Variants in SLC9A9 observed in about 807,000 individuals in gnomAD.
SLC9A9 encodes sodium/hydrogen exchanger 9.
In SLC9A9, 62 loss-of-function variants were observed where a neutral mutation model predicts 77.8. That is an observed-to-expected ratio of 0.80 (90% CI 0.65 to 0.98). SLC9A9 has a LOEUF of 0.98. Ranked by LOEUF, SLC9A9 falls within the 50% of genes least tolerant of loss-of-function variation. The pLI, the probability that SLC9A9 is intolerant of heterozygous loss-of-function variation, is 0.00. For synonymous variants in SLC9A9, 320 were observed against 283.5 expected (o/e 1.13, Z -1.29); for missense variants, 775 against 774.9 (o/e 1.00, Z 0.00).
chr3:143,789,201 G>A (rs1294560712), intron 4 of SLC9A9, among the ~76,000 whole-genome samples: 1 of 152,156 alleles, frequency 6.6e-6, no homozygotes, highest in Non-Finnish European at 1.5e-5. Flanking sequence ...ATCATAGCAT[G>A]CATATCTCCA....
intron 4 of SLC9A9, among the ~76,000 whole-genome samples, chr3:143,698,575 A>G (rs1218848389): frequency 6.6e-6 from 1 of 152,228 alleles, no homozygotes; most frequent in Non-Finnish European, 1.5e-5. Context: ...AAAGCCCTAC[A>G]CTTAAAGCTA....
At chr3:143,729,537 T>A (rs1357997739) in intron 4 of SLC9A9, among the ~76,000 whole-genome samples, 1 of 152,156 alleles carries the variant, frequency 6.6e-6, no homozygotes, top group East Asian at 1.9e-4. Flanking sequence ...CCTTGTCTTT[T>A]TATATCTGTG....
chr3:143,697,988 G>A (rs552474238), intron 4 of SLC9A9: 1 of 152,198 alleles, frequency 6.6e-6, no homozygotes, highest in Admixed American at 6.5e-5. Flanking sequence ...GTTATTGTTG[G>A]CACATTATTA....
chr3:143,342,475 A>G (rs1165921052), intron 14 of SLC9A9, among the ~76,000 whole-genome samples: 3 of 152,188 alleles, frequency 2.0e-5, no homozygotes, highest in Non-Finnish European at 4.4e-5. Context: ...ATGATTCCTC[A>G]TGAGGTCACT....
chr3:143,353,408 C>A (rs1424809787), intron 14 of SLC9A9, among the ~76,000 whole-genome samples: 1 of 152,072 alleles, frequency 6.6e-6, no homozygotes, highest in Non-Finnish European at 1.5e-5. Context: ...ATCAAAGAGG[C>A]CTAAGAGAGC....
At chr3:143,276,568 A>G (rs994949015) in intron 14 of SLC9A9, among the ~76,000 whole-genome samples, 2 of 151,946 alleles carry the variant, frequency 1.3e-5, no homozygotes, top group African/African-American at 4.8e-5. Flanking sequence ...AGTGTCTAGC[A>G]TATTACCAAG....
chr3:143,332,433 G>C (rs936743591), intron 14 of SLC9A9, among the ~76,000 whole-genome samples: 2 of 152,196 alleles, frequency 1.3e-5, no homozygotes, highest in African/African-American at 4.8e-5. Flanking sequence ...ATACTGATTT[G>C]ATTATTGGGA....
chr3:143,377,016 G>C (rs1179864360), intron 13 of SLC9A9, among the ~76,000 whole-genome samples: 1 of 152,142 alleles, frequency 6.6e-6, no homozygotes, highest in Non-Finnish European at 1.5e-5. Context: ...GTTGATAACT[G>C]TTAAGTTTGG....
rs566182726 is a variant in SLC9A9, at chr3:143,679,803, G to A, written c.649+13389C>T. On this transcript the variant is annotated intron_variant, in intron 5 of 15. Transcript: ENST00000316549. ...TAGAGAAAATCAACAAACAAAAAAC[G>A]GAAGTATTAGAATAGATACATAAAA... Among the ~76,000 whole-genome samples the A allele has an allele frequency of 5.3e-5, 8 of 152,114 alleles. No individual in the cohort carries two copies. The South Asian group carries it at 6.2e-4, about 12-fold the overall frequency.
chr3:143,680,156 A>G (rs1265842322), intron 5 of SLC9A9, among the ~76,000 whole-genome samples: 2 of 152,162 alleles, frequency 1.3e-5, no homozygotes, highest in African/African-American at 4.8e-5. Flanking sequence ...AGAGAATAAA[A>G]AAGAAAATAA....
intron 2 of SLC9A9, among the ~76,000 whole-genome samples, chr3:143,800,751 C>T (rs1056659039): frequency 2.6e-5 from 4 of 152,136 alleles, no homozygotes; most frequent in Admixed American, 6.5e-5. Flanking sequence ...TATTGATGAC[C>T]TTCTACTTTG....
chr3:143,608,264 G>A (rs1233776198), intron 6 of SLC9A9, among the ~76,000 whole-genome samples: 1 of 152,186 alleles, frequency 6.6e-6, no homozygotes, highest in Non-Finnish European at 1.5e-5. Flanking sequence ...AAAAGAATCA[G>A]CAACTTGCCC....
intron 14 of SLC9A9, among the ~76,000 whole-genome samples, chr3:143,362,906 T>TG (rs1392438027): frequency 6.6e-6 from 1 of 152,214 alleles, no homozygotes; most frequent in East Asian, 1.9e-4. Flanking sequence ...AAATTGCCCT[T>TG]CACTGGAAAA....
chr3:143,666,125 G>A (rs2039062502), intron 5 of SLC9A9, among the ~76,000 whole-genome samples: 2 of 152,150 alleles, frequency 1.3e-5, no homozygotes. Flanking sequence ...ACATCAAAAA[G>A]CTTATCCACC....
intron 13 of SLC9A9, among the ~76,000 whole-genome samples, chr3:143,369,039 A>G (rs915862349): frequency 2.0e-5 from 3 of 152,284 alleles, no homozygotes; most frequent in Admixed American, 6.5e-5. Context: ...GAGAGAAAAA[A>G]ACTGAGACAA....
intron 5 of SLC9A9, among the ~76,000 whole-genome samples, chr3:143,654,125 G>A (rs760637597): frequency 1.3e-5 from 2 of 152,174 alleles, no homozygotes; most frequent in Non-Finnish European, 2.9e-5. Context: ...TGCTGAGAGA[G>A]CAGATTTTAA....
intron 14 of SLC9A9, among the ~76,000 whole-genome samples, chr3:143,307,482 G>C (rs1268978622): frequency 6.6e-6 from 1 of 152,172 alleles, no homozygotes; most frequent in African/African-American, 2.4e-5. Context: ...AGTACATTTA[G>C]GCTCGCAAAG....
chr3:143,361,305 A>G (rs2032746977), intron 14 of SLC9A9, among the ~76,000 whole-genome samples: 2 of 152,340 alleles, frequency 1.3e-5, no homozygotes, highest in South Asian at 4.1e-4. Flanking sequence ...TCCAAACTAC[A>G]TAGCCAATTT....
chr3:143,629,309 G>A (rs2038382939), intron 6 of SLC9A9, among the ~76,000 whole-genome samples: 1 of 152,118 alleles, frequency 6.6e-6, no homozygotes, highest in South Asian at 2.1e-4. Flanking sequence ...GCTGAACGAA[G>A]GTATAGGTTG....
Sources: gnomAD v4.1 joint callset for allele counts (sites outside exome capture counted in the v4.1 genomes callset) on GRCh38, gnomAD v4.1.1 for gene constraint, MANE v1.5 for transcripts, NCBI Gene and HGNC (gene_info 2026-07-23, HGNC 2026-07-21) for gene names.